The following ILRUN variants were observed in gnomAD, a reference collection of about 807,000 sequenced individuals.
ILRUN encodes the protein protein ILRUN.
In ILRUN, 3 loss-of-function variants were observed where a neutral mutation model predicts 33.8. The observed-to-expected ratio is 0.09, with a 90% confidence interval of 0.04 to 0.23. The LOEUF is 0.23. ILRUN is among the 10% of genes least tolerant of loss of function. The pLI, the probability that ILRUN is intolerant of heterozygous loss-of-function variation, is 1.00. For synonymous variants in ILRUN, 124 were observed against 138.9 expected, an observed-to-expected ratio of 0.89 and a Z score of 0.75; for missense variants, 210 against 375.1, an observed-to-expected ratio of 0.56 and a Z score of 3.64.
intron 3 of ILRUN, chr6:34,616,694 T>C (rs1761899354): frequency 3.4e-6 from 3 of 878,520 alleles, no homozygotes; most frequent in Admixed American, 3.7e-5. Context: ...TCACAAGGAA[T>C]ATAAGCAGAT....
intron 3 of ILRUN, among the ~76,000 whole-genome samples, chr6:34,614,184 AG>A (rs1489792527): frequency 6.6e-6 from 1 of 152,052 alleles, no homozygotes; most frequent in Non-Finnish European, 1.5e-5. Context: ...GCACCGTGGG[AG>A]GCCAAGGCAG....
chr6:34,606,750 T>C lies in ILRUN; in HGVS notation c.666A>G (p.Ser222=), dbSNP rs1237756581. Reference sequence around the variant, plus strand: ...CAGGGTCTTTTAAGTTGTTTTCATCTGATTGTCGGTTCTTTTGGGGAGAGG... The same window carrying C: ...CAGGGTCTTTTAAGTTGTTTTCATCCGATTGTCGGTTCTTTTGGGGAGAGG... The part of the protein sequence containing the change: ...PFASPQKNRQ[S]DENNLKDPGG... Residue 222 remains serine (S), a synonymous_variant, in exon 4 of 5, where the codon TCA becomes TCG. Transcript: ENST00000374023. 1 of 1,614,230 alleles carries C rather than the reference T, an allele frequency of 6.2e-7. No homozygotes were observed.
At chr6:34,614,487 TTA>T (rs1173926880) in intron 3 of ILRUN, among the ~76,000 whole-genome samples, 6 of 140,002 alleles carry the variant, frequency 4.3e-5, no homozygotes, top group African/African-American at 1.6e-4. Flanking sequence ...TTATATATTA[TTA>T]TATATATTAT....
intron 1 of ILRUN, 108 bp downstream of exon 1, chr6:34,696,338 C>A (rs1362497563): frequency 4.2e-6 from 5 of 1,199,556 alleles, no homozygotes; most frequent in Non-Finnish European, 5.7e-6. Flanking sequence ...GAAGGGGTGG[C>A]CCTCAGTACC....
chr6:34,684,838 C>A lies in ILRUN; in HGVS notation c.158+11608G>T, dbSNP rs77648195. ...GCAGAGAAAAGCAGAATATTCACTA[C>A]AAAGATACGCCAGGAAAGGTAGAAG... On this transcript the variant is annotated intron_variant, in intron 1 of 4. Coordinates refer to ENST00000374023, the MANE Select transcript of ILRUN (RefSeq NM_024294.4). Among the ~76,000 whole-genome samples, 617 of 152,292 alleles carry A rather than the reference C, an allele frequency of 4.1e-3. 6 individuals carry two copies. Among genetic ancestry groups the A allele is most frequent in the African/African-American group, 0.013 (557 of 41,568 alleles).
Position 34,626,441 on chromosome 6 carries a change from G to C in ILRUN, c.512-19537C>G, listed in dbSNP as rs758339871. Among the ~76,000 whole-genome samples the C allele has an allele frequency of 1.3e-3, 195 of 152,200 alleles. 5 individuals are homozygous for C. Among genetic ancestry groups the C allele is most frequent in the Admixed American group, 1.4e-3 (21 of 15,284 alleles). The stretch of plus-strand genomic sequence containing the variant: ...GTCCTCCTGCCTCAGCCTCTCAAAG[G>C]GCTGGAATTACAGGCATGAGCCGCT... On this transcript the variant is annotated intron_variant, in intron 3 of 4. Transcript: ENST00000374023.
At chr6:34,674,318 C>G (rs555466736) in intron 1 of ILRUN, among the ~76,000 whole-genome samples, 2 of 152,208 alleles carry the variant, frequency 1.3e-5, no homozygotes, top group African/African-American at 4.8e-5. Flanking sequence ...TGAGCCACCG[C>G]GCCCGGCCCC....
intron 1 of ILRUN, among the ~76,000 whole-genome samples, chr6:34,688,134 G>A (rs1272956341): frequency 1.3e-5 from 2 of 152,218 alleles, no homozygotes; most frequent in Non-Finnish European, 2.9e-5. Flanking sequence ...GGGTTGGGGG[G>A]TGGCTCATGC....
intron 3 of ILRUN, among the ~76,000 whole-genome samples, chr6:34,610,813 T>C (rs1021091224): frequency 7.2e-5 from 11 of 152,226 alleles, no homozygotes; most frequent in African/African-American, 2.7e-4. Flanking sequence ...TATGCTTCAT[T>C]CTTAGCTCAG....
At position 34,592,143 on chromosome 6, in the gene ILRUN, C is replaced by T. The variant is rs1041730515; in HGVS notation, c.862-1543G>A. Among the ~76,000 whole-genome samples, 1 of 152,162 alleles carries T rather than the reference C, an allele frequency of 6.6e-6. No individual in the cohort carries two copies. The highest frequency in any genetic ancestry group is 2.4e-5 in the African/African-American group (1 of 41,434). On this transcript the variant is annotated intron_variant, in intron 4 of 4. Transcript: ENST00000374023. This position sits in a 1 kb window ranked among gnomAD's most constrained non-coding sequence, Gnocchi z 4.0. ...AGAAGGACATCTCTAGCTGCTTGGT[C>T]GTATCACTAAACTAAACAAAAAATC...
chr6:34,631,005 C>T (rs1762233414), intron 3 of ILRUN, among the ~76,000 whole-genome samples: 1 of 152,196 alleles, frequency 6.6e-6, no homozygotes, highest in Admixed American at 6.5e-5. Context: ...TCCCTGCTTA[C>T]ATTATCCATC....
At chr6:34,621,115 C>T (rs6931985) in intron 3 of ILRUN, among the ~76,000 whole-genome samples, 4,609 of 152,222 alleles carry the variant, frequency 0.03, 186 homozygotes, top group African/African-American at 0.088. Flanking sequence ...GAGTTTACAA[C>T]GACACTTACA....
chr6:34,682,251 G>GTTTTTT (rs66948142), intron 1 of ILRUN, among the ~76,000 whole-genome samples: 5 of 51,072 alleles, frequency 9.8e-5, no homozygotes, highest in Non-Finnish European at 1.8e-4. Flanking sequence ...TGCAACCTCT[G>GTTTTTT]TTTTTTTTTT....
chr6:34,616,676 C>A, intron 3 of ILRUN: 1 of 1,041,996 alleles, frequency 9.6e-7, no homozygotes, highest in Non-Finnish European at 1.5e-6. Context: ...AAGGAGGAAG[C>A]TTATCTATCA....
intron 3 of ILRUN, among the ~76,000 whole-genome samples, chr6:34,633,324 A>G (rs771241621): frequency 3.9e-5 from 6 of 152,246 alleles, no homozygotes; most frequent in Non-Finnish European, 8.8e-5. Context: ...ACACAAATCC[A>G]CAATTGTAGT....
At chr6:34,597,544 C>T (rs1394170582) in intron 4 of ILRUN, among the ~76,000 whole-genome samples, 1 of 152,216 alleles carries the variant, frequency 6.6e-6, no homozygotes, top group Non-Finnish European at 1.5e-5. Flanking sequence ...ACTACCCTTT[C>T]CTTACAAGCC....
intron 3 of ILRUN, among the ~76,000 whole-genome samples, chr6:34,607,841 T>C (rs565922636): frequency 3.3e-5 from 5 of 152,300 alleles, no homozygotes; most frequent in African/African-American, 1.2e-4. Context: ...TCTGTAATCC[T>C]GGGCATTCTG....
At chr6:34,658,680 G>A (rs539680455) in intron 1 of ILRUN, among the ~76,000 whole-genome samples, 108 of 151,942 alleles carry the variant, frequency 7.1e-4, no homozygotes, top group African/African-American at 2.5e-3. Context: ...GGTCGTGGGC[G>A]CCTGTAATCC....
chr6:34,675,562 C>A (rs1763212246), intron 1 of ILRUN, among the ~76,000 whole-genome samples: 1 of 152,092 alleles, frequency 6.6e-6, no homozygotes, highest in East Asian at 1.9e-4. Context: ...CCTCCCACTG[C>A]CCCTCCCCGC....
Sources: allele counts gnomAD v4.1 joint callset (sites outside exome capture counted in the v4.1 genomes callset), GRCh38; gene constraint gnomAD v4.1.1; non-coding constraint Gnocchi (gnomAD v3.1); transcripts MANE v1.5; gene names NCBI Gene and HGNC (gene_info 2026-07-23, HGNC 2026-07-21).